The following PTPRQ variants were observed in gnomAD, a reference collection of about 807,000 sequenced individuals.
PTPRQ encodes the protein phosphatidylinositol phosphatase PTPRQ.
Under a neutral mutation model 246.0 loss-of-function variants are expected in PTPRQ, and 199 were observed. The ratio of observed to expected loss-of-function variants is 0.81; its 90% confidence interval spans 0.72 to 0.91. The LOEUF (loss-of-function observed/expected upper bound fraction) is 0.91. PTPRQ is among the 40% of genes least tolerant of loss of function. The pLI, the probability that PTPRQ is intolerant of heterozygous loss-of-function variation, is 0.00. For synonymous variants in PTPRQ, 869 were observed against 853.2 expected, an observed-to-expected ratio of 1.02 and a Z score of -0.32; for missense variants, 2,624 against 2,528.4, an observed-to-expected ratio of 1.04 and a Z score of -0.81.
chr12:80,650,015 A>G (rs1044759086), intron 37 of PTPRQ, among the ~76,000 whole-genome samples: 6 of 152,260 alleles, frequency 3.9e-5, no homozygotes, highest in Non-Finnish European at 7.4e-5. Flanking sequence ...AGGTCATACT[A>G]TAAGTGTAGT....
At chr12:80,527,641 G>GA (rs748460782) in intron 17 of PTPRQ, among the ~76,000 whole-genome samples, 1 of 152,018 alleles carries the variant, frequency 6.6e-6, no homozygotes, top group Non-Finnish European at 1.5e-5. Context: ...AGATGATCCA[G>GA]AAAAAGGAGA....
At chr12:80,518,418 C>A (rs917786889) in intron 17 of PTPRQ, among the ~76,000 whole-genome samples, 2 of 152,128 alleles carry the variant, frequency 1.3e-5, no homozygotes, top group Admixed American at 6.6e-5. Context: ...CAAATATTTT[C>A]TCCTATTCTG....
intron 23 of PTPRQ, 38 bp from the exon 24 acceptor site, chr12:80,546,518 A>G: frequency 6.6e-7 from 1 of 1,514,622 alleles, no homozygotes; most frequent in Non-Finnish European, 8.8e-7. Context: ...CAATTTTTTG[A>G]CAGTGCATTA....
intron 17 of PTPRQ, among the ~76,000 whole-genome samples, chr12:80,517,427 T>C (rs896112387): frequency 6.6e-6 from 1 of 152,136 alleles, no homozygotes; most frequent in Non-Finnish European, 1.5e-5. Flanking sequence ...GATACTTTGA[T>C]ACAAGCGTGT....
Position 80,472,172 on chromosome 12 carries a change from G to A in PTPRQ, c.1107G>A (p.Met369Ile). 3.2e-6 allele frequency: 5 copies of A among 1,551,624 alleles called. No homozygotes were observed. The highest frequency in any genetic ancestry group is 4.4e-6 in the Non-Finnish European group (5 of 1,146,956). ...FAFTNLTPFT[M>I]YDVYIAAETS... ...TCACTAACCTAACACCATTTACAAT[G>A]TATGATGTCTATATTGCGGCTGAAA... is the stretch of plus-strand genomic sequence containing the variant. Residue 369 changes from methionine (M) to isoleucine (I), a missense_variant, in exon 8 of 45, where the codon ATG (methionine) becomes ATA (isoleucine). Met to Ile is a conservative substitution (Grantham distance 10). Coordinates refer to ENST00000644991, the MANE Select transcript of PTPRQ (RefSeq NM_001145026.2).
intron 8 of PTPRQ, among the ~76,000 whole-genome samples, chr12:80,479,254 G>A (rs1321244576): frequency 3.4e-5 from 5 of 148,234 alleles, no homozygotes; most frequent in Non-Finnish European, 7.5e-5. Context: ...TTTCAACCCA[G>A]AATTTCATAT....
In PTPRQ at chr12:80,548,900, AAGACTG is replaced by A. The variant is rs1896386131; in HGVS notation, c.4016-559_4016-554del. Among the ~76,000 whole-genome samples, 15 of 152,234 alleles carry A rather than the reference AAGACTG, an allele frequency of 9.9e-5. 1 individual carries two copies. In the South Asian group the frequency reaches 3.1e-3, roughly 32 times the overall value. ...TAAATTCAGAGAAGCTCTAGAAAAT[AAGACTG>A]AGACTCCTTAAATCTTCCTTCCAAT... is the stretch of plus-strand genomic sequence containing the variant. On this transcript the variant is annotated intron_variant, in intron 24 of 44. Transcript: ENST00000644991.
At chr12:80,465,961 C>T (rs1283308452) in intron 6 of PTPRQ, among the ~76,000 whole-genome samples, 9 of 152,036 alleles carry the variant, frequency 5.9e-5, no homozygotes, top group African/African-American at 9.7e-5. Flanking sequence ...AGGGATGCCC[C>T]CTCTCACCAC....
chr12:80,570,367 C>T (rs1651905917), intron 25 of PTPRQ, among the ~76,000 whole-genome samples: 1 of 152,048 alleles, frequency 6.6e-6, no homozygotes, highest in African/African-American at 2.4e-5. Flanking sequence ...TTTGTTGGCT[C>T]CATAAATGTC....
intron 27 of PTPRQ, among the ~76,000 whole-genome samples, chr12:80,608,791 AT>A (rs1482849860): frequency 6.6e-6 from 1 of 150,480 alleles, no homozygotes; most frequent in Non-Finnish European, 1.5e-5. Flanking sequence ...AGTGAAGCCA[AT>A]TGAGTGGGGC....
At chr12:80,509,874 C>A (rs1460217338) in intron 16 of PTPRQ, among the ~76,000 whole-genome samples, 2 of 152,062 alleles carry the variant, frequency 1.3e-5, no homozygotes. Context: ...TGAGGTCAGT[C>A]ATTTTAACTG....
intron 38 of PTPRQ, among the ~76,000 whole-genome samples, chr12:80,653,463 T>C (rs1344374931): frequency 6.6e-6 from 1 of 152,170 alleles, no homozygotes; most frequent in African/African-American, 2.4e-5. Flanking sequence ...TGAACAGATA[T>C]CCCTATTTTC....
At chr12:80,647,255 A>G (rs1900106736) in intron 35 of PTPRQ, among the ~76,000 whole-genome samples, 1 of 152,166 alleles carries the variant, frequency 6.6e-6, no homozygotes, top group Admixed American at 6.5e-5. Flanking sequence ...ATGGAATAAT[A>G]TTTGCTGTTA....
At chr12:80,518,435 G>T (rs1034922361) in intron 17 of PTPRQ, among the ~76,000 whole-genome samples, 4 of 152,078 alleles carry the variant, frequency 2.6e-5, no homozygotes, top group Middle Eastern at 3.2e-3. Context: ...TCTGTGGGTT[G>T]TCTTTTCTCT....
chr12:80,537,046 A>T (rs912294809), intron 19 of PTPRQ, among the ~76,000 whole-genome samples: 1 of 152,176 alleles, frequency 6.6e-6, no homozygotes, highest in Non-Finnish European at 1.5e-5. Context: ...ATATGATCTA[A>T]TTTGCAATTC....
At chr12:80,631,076 T>C (rs575982960) in intron 33 of PTPRQ, among the ~76,000 whole-genome samples, 39 of 152,322 alleles carry the variant, frequency 2.6e-4, no homozygotes, top group African/African-American at 9.1e-4. Flanking sequence ...TATCTTCTAA[T>C]AATGAGCTTT....
intron 35 of PTPRQ, among the ~76,000 whole-genome samples, chr12:80,644,413 A>G (rs112074248): frequency 6.6e-6 from 1 of 152,150 alleles, no homozygotes; most frequent in Admixed American, 6.5e-5. Flanking sequence ...TCTGACAGTA[A>G]CCTTCACTAT....
chr12:80,594,234 C>T (rs1897895769), intron 26 of PTPRQ, among the ~76,000 whole-genome samples: 1 of 151,992 alleles, frequency 6.6e-6, no homozygotes, highest in South Asian at 2.1e-4. Flanking sequence ...GTTATAGTAA[C>T]AGAGGTAGAA....
rs1311699851 is a variant in PTPRQ, at chr12:80,590,450, G to A, written c.4609+1998G>A. 5.9e-5 allele frequency among the ~76,000 whole-genome samples: 9 copies of A among 151,934 alleles called. No homozygotes were observed. The East Asian group carries it at 1.6e-3, about 26-fold the overall frequency. ...TGAGAGGCTGAGGCGGGTGGATCAC[G>A]AGGTCAGGAGATCGAGACTATCCTG... On this transcript the variant is annotated intron_variant, in intron 26 of 44. Coordinates refer to ENST00000644991, the MANE Select transcript of PTPRQ (RefSeq NM_001145026.2).
Sources: allele counts gnomAD v4.1 joint callset (sites outside exome capture counted in the v4.1 genomes callset), GRCh38; gene constraint gnomAD v4.1.1; transcripts MANE v1.5; gene names NCBI Gene and HGNC (gene_info 2026-07-23, HGNC 2026-07-21).